Variants in DIS3L2 observed in about 807,000 individuals in gnomAD.
The protein encoded by DIS3L2 is DIS3 like 3'-5' exoribonuclease 2, also known as DIS3-like exonuclease 2.
Under a neutral mutation model 97.5 loss-of-function variants are expected in DIS3L2, and 34 were observed. The observed-to-expected ratio is 0.35, with a 90% CI of 0.27 to 0.46. DIS3L2 has a LOEUF of 0.46. Among genes scored for constraint, DIS3L2 ranks in the 20% least tolerant of loss-of-function variants. The probability of loss-of-function intolerance (pLI) is 1.00; values close to 1 mark genes in which losing one functional copy is unlikely to be tolerated. For missense variants in DIS3L2, 1,038 were observed against 1,146.0 expected, an observed-to-expected ratio of 0.91 and a Z score of 1.36; for synonymous variants, 435 against 445.2, an observed-to-expected ratio of 0.98 and a Z score of 0.29.
chr2:232,209,928 G>C (rs564631035), intron 9 of DIS3L2, among the ~76,000 whole-genome samples: 1 of 152,272 alleles, frequency 6.6e-6, no homozygotes, highest in East Asian at 1.9e-4. Flanking sequence ...TTATTGTTGG[G>C]TCCCATCCCC....
intron 5 of DIS3L2, among the ~76,000 whole-genome samples, chr2:232,042,725 A>G (rs1220848937): frequency 6.6e-6 from 1 of 152,246 alleles, no homozygotes; most frequent in African/African-American, 2.4e-5. Flanking sequence ...GTATTGTTTA[A>G]GGATAGAGTA....
chr2:232,049,592 G>A (rs919595426), intron 5 of DIS3L2, among the ~76,000 whole-genome samples: 1 of 152,094 alleles, frequency 6.6e-6, no homozygotes, highest in Non-Finnish European at 1.5e-5. Context: ...TTGGACTTCC[G>A]AGCCTCCAGA....
intron 13 of DIS3L2, among the ~76,000 whole-genome samples, chr2:232,297,188 C>T (rs1197576804): frequency 6.6e-6 from 1 of 152,228 alleles, no homozygotes. Context: ...TATGCCCTCT[C>T]TCACTTCAGC....
At chr2:232,238,930 T>A (rs1693007677) in intron 11 of DIS3L2, among the ~76,000 whole-genome samples, 1 of 152,232 alleles carries the variant, frequency 6.6e-6, no homozygotes, top group Non-Finnish European at 1.5e-5. Flanking sequence ...TAAGGTTTTA[T>A]TGGAACTCAG....
intron 13 of DIS3L2, among the ~76,000 whole-genome samples, chr2:232,287,927 G>A (rs1426963244): frequency 6.6e-6 from 1 of 152,184 alleles, no homozygotes; most frequent in Non-Finnish European, 1.5e-5. Context: ...GGTAACCCCA[G>A]GTATGGGCCC....
chr2:232,063,238 T>TA (rs1695762375), intron 5 of DIS3L2, among the ~76,000 whole-genome samples: 1 of 152,218 alleles, frequency 6.6e-6, no homozygotes, highest in Non-Finnish European at 1.5e-5. Context: ...TAAAGTCCTA[T>TA]AGCCAGTTGA....
chr2:232,343,384 T>C, exon 14 of DIS3L2: 1 of 1,556,464 alleles, frequency 6.4e-7, no homozygotes, highest in Non-Finnish European at 8.7e-7. Flanking sequence ...TCTTCAGGCC[T>C]CTCACAGCCC....
At chr2:232,320,321 G>A (rs1695394939) in intron 14 of DIS3L2, among the ~76,000 whole-genome samples, 1 of 152,126 alleles carries the variant, frequency 6.6e-6, no homozygotes, top group African/African-American at 2.4e-5. Flanking sequence ...TAAGACGAGC[G>A]TTAGTTCAGT....
intron 5 of DIS3L2, among the ~76,000 whole-genome samples, chr2:232,077,513 C>A (rs921723205): frequency 2.6e-5 from 4 of 152,136 alleles, no homozygotes; most frequent in Non-Finnish European, 4.4e-5. Flanking sequence ...CAGTTGATAT[C>A]TGTCTATATT....
chr2:232,146,866 G>A (rs1234866747), intron 8 of DIS3L2, among the ~76,000 whole-genome samples: 2 of 152,054 alleles, frequency 1.3e-5, no homozygotes, highest in Non-Finnish European at 2.9e-5. Flanking sequence ...CTCCAACTTT[G>A]TGATATTAAA....
At chr2:232,333,643 C>A (rs1367132821) in intron 16 of DIS3L2, among the ~76,000 whole-genome samples, 197 bp from the exon 17 acceptor site, 1 of 152,218 alleles carries the variant, frequency 6.6e-6, no homozygotes, top group African/African-American at 2.4e-5. Context: ...CTCTGCCCAG[C>A]CTCCTGGCCT....
intron 9 of DIS3L2, among the ~76,000 whole-genome samples, chr2:232,181,490 T>G (rs1348905686): frequency 6.6e-6 from 1 of 152,176 alleles, no homozygotes; most frequent in African/African-American, 2.4e-5. Context: ...TAGTCCCATA[T>G]TTCTTGGAGG....
intron 8 of DIS3L2, among the ~76,000 whole-genome samples, chr2:232,156,017 A>G (rs1267142866): frequency 6.6e-6 from 1 of 152,118 alleles, no homozygotes; most frequent in Non-Finnish European, 1.5e-5. Flanking sequence ...TTCTATTCCA[A>G]AGAATCTTAG....
intron 1 of DIS3L2, among the ~76,000 whole-genome samples, chr2:231,988,903 T>C (rs1053488862): frequency 1.3e-5 from 2 of 152,238 alleles, no homozygotes; most frequent in South Asian, 2.1e-4. Flanking sequence ...TGAACTGATA[T>C]GAACCTAGGG....
chr2:232,198,288 A>T (rs935466899), intron 9 of DIS3L2, among the ~76,000 whole-genome samples: 2 of 152,062 alleles, frequency 1.3e-5, no homozygotes, highest in Admixed American at 6.5e-5. Flanking sequence ...TATGTTGAAG[A>T]CCTCTCCTAT....
At chr2:232,049,749 T>C (rs1034604964) in intron 5 of DIS3L2, among the ~76,000 whole-genome samples, 1 of 152,254 alleles carries the variant, frequency 6.6e-6, no homozygotes, top group Admixed American at 6.5e-5. Context: ...ACCTTGTTGA[T>C]ATTTTGAATG....
Position 232,171,380 on chromosome 2 carries a change from C to T in DIS3L2, c.1124+7748C>T, listed in dbSNP as rs1049256169. ...CTAGGTATTTCAAACCCCTCTAGCT[C>T]TAACAGAGCATGACTCTGTATTTGA... is the stretch of plus-strand genomic sequence containing the variant. On this transcript the variant is annotated intron_variant, in intron 9 of 20. Transcript: ENST00000325385. 3.3e-5 allele frequency among the ~76,000 whole-genome samples: 5 copies of T among 152,152 alleles called. No homozygotes were observed. In the East Asian group the frequency reaches 9.6e-4, roughly 29 times the overall value.
At chr2:232,295,588 T>G (rs1392553748) in intron 13 of DIS3L2, among the ~76,000 whole-genome samples, 1 of 152,230 alleles carries the variant, frequency 6.6e-6, no homozygotes, top group Non-Finnish European at 1.5e-5. Context: ...TCTTTAAATA[T>G]ACTCCCTTCA....
chr2:232,289,377 A>T (rs1267198459), intron 13 of DIS3L2, among the ~76,000 whole-genome samples: 1 of 151,712 alleles, frequency 6.6e-6, no homozygotes, highest in Non-Finnish European at 1.5e-5. Flanking sequence ...GGTTCAAGCG[A>T]TTCTCCTGCC....
Sources: allele counts gnomAD v4.1 joint callset (sites outside exome capture counted in the v4.1 genomes callset), GRCh38; gene constraint gnomAD v4.1.1; transcripts MANE v1.5; gene names NCBI Gene and HGNC (gene_info 2026-07-23, HGNC 2026-07-21).